MAPRE3: variants seen among roughly 807,000 people sequenced by gnomAD.
MAPRE3 encodes the protein microtubule associated protein RP/EB family member 3, also known as microtubule-associated protein RP/EB family member 3.
Under a neutral mutation model 30.5 loss-of-function variants are expected in MAPRE3, and 2 were observed. The observed-to-expected ratio is 0.07, with a 90% CI of 0.03 to 0.21. The LOEUF is 0.21. Ranked by LOEUF, MAPRE3 falls within the 10% of genes least tolerant of loss-of-function variation. MAPRE3 has a pLI of 1.00. For missense variants in MAPRE3, 204 were observed against 351.8 expected, an observed-to-expected ratio of 0.58 and a Z score of 3.36; for synonymous variants, 110 against 127.7, an observed-to-expected ratio of 0.86 and a Z score of 0.93.
intron 1 of MAPRE3, among the ~76,000 whole-genome samples, chr2:26,989,839 C>T (rs972905858): frequency 2.0e-5 from 3 of 152,124 alleles, no homozygotes; most frequent in Admixed American, 6.5e-5. Context: ...GGTCACTGAC[C>T]TGTTGAATCA....
chr2:26,984,269 T>C (rs773217009), intron 1 of MAPRE3, among the ~76,000 whole-genome samples: 72 of 152,368 alleles, frequency 4.7e-4, no homozygotes, highest in Non-Finnish European at 8.4e-4. Flanking sequence ...TAGAATTAAA[T>C]ATTTATGAAT....
chr2:26,994,336 A>G (rs1404814344), intron 1 of MAPRE3, among the ~76,000 whole-genome samples: 20 of 152,240 alleles, frequency 1.3e-4, no homozygotes. Context: ...CTTGATTTAT[A>G]AGCATGAAAT....
intron 1 of MAPRE3, among the ~76,000 whole-genome samples, chr2:27,016,247 T>G (rs1392832721): frequency 6.6e-6 from 1 of 151,974 alleles, no homozygotes; most frequent in Non-Finnish European, 1.5e-5. Context: ...GTGGATGGGG[T>G]TGGAAGACAC....
rs765260843 is a variant in MAPRE3, at chr2:27,023,447, A to G, written c.237A>G (p.Gln79=). ...HEYIHNFKVL[Q]AAFKKMGVDK... ...ACATCCACAACTTCAAGGTGCTGCAAGCAGCTTTCAAGAAGATGGGTGTTG... is the reference window on the plus strand; with the variant it reads ...ACATCCACAACTTCAAGGTGCTGCAGGCAGCTTTCAAGAAGATGGGTGTTG... The change falls in exon 3 of 7, where the codon CAA becomes CAG. Residue 79 remains glutamine (Q), a synonymous_variant. Coordinates refer to ENST00000233121, the MANE Select transcript of MAPRE3 (RefSeq NM_012326.4). 34 of 1,614,132 alleles carry G rather than the reference A, an allele frequency of 2.1e-5. No individual in the cohort carries two copies. Among genetic ancestry groups the G allele is most frequent in the Admixed American group, 1.5e-4 (9 of 60,024 alleles).
At chr2:26,993,492 G>C (rs1666393640) in intron 1 of MAPRE3, among the ~76,000 whole-genome samples, 1 of 152,166 alleles carries the variant, frequency 6.6e-6, no homozygotes, top group Non-Finnish European at 1.5e-5. Flanking sequence ...CAAAATTACA[G>C]AGTCCCCCAC....
chr2:26,982,040 C>G (rs773529918), intron 1 of MAPRE3, among the ~76,000 whole-genome samples: 9 of 152,152 alleles, frequency 5.9e-5, no homozygotes, highest in Non-Finnish European at 1.3e-4. Context: ...TGTGAGGGTT[C>G]CAGCCCTCAT....
At chr2:27,025,379 G>A (rs1000871371) in intron 4 of MAPRE3, among the ~76,000 whole-genome samples, 2 of 152,150 alleles carry the variant, frequency 1.3e-5, no homozygotes, top group Admixed American at 6.5e-5. Context: ...TCCCGGGCTC[G>A]CCAAAGGGCT....
chr2:26,993,160 G>A (rs900178224), intron 1 of MAPRE3, among the ~76,000 whole-genome samples: 2 of 152,144 alleles, frequency 1.3e-5, no homozygotes, highest in Non-Finnish European at 2.9e-5. Flanking sequence ...CCTGAGGTCA[G>A]GAGTTTGAGA....
intron 1 of MAPRE3, among the ~76,000 whole-genome samples, chr2:26,973,550 T>G (rs79366453): frequency 4.1e-4 from 62 of 150,476 alleles, no homozygotes; most frequent in African/African-American, 1.1e-3. Flanking sequence ...AATATAGTTT[T>G]TTTTTTTTTT....
chr2:27,023,513 G>C, intron 3 of MAPRE3, 36 bp downstream of exon 3: 2 of 1,611,970 alleles, frequency 1.2e-6, no homozygotes, highest in Non-Finnish European at 1.7e-6. Context: ...CTGAGGAGCA[G>C]TGTGACCCTG....
At chr2:26,995,780 G>GGTGTGTGTGTGTGTATGT (rs1666440544) in intron 1 of MAPRE3, among the ~76,000 whole-genome samples, 1 of 109,638 alleles carries the variant, frequency 9.1e-6, no homozygotes, top group Non-Finnish European at 1.8e-5. Flanking sequence ...TTCTAAGAGA[G>GGTGTGTGTGTGTGTATGT]GTGTGTGTGT....
chr2:26,982,566 G>T (rs1666137590), intron 1 of MAPRE3, among the ~76,000 whole-genome samples: 1 of 152,220 alleles, frequency 6.6e-6, no homozygotes, highest in African/African-American at 2.4e-5. Flanking sequence ...TGGGGCAGGA[G>T]CAAAAGTGCA....
At chr2:26,971,501 C>T (rs1013669358) in intron 1 of MAPRE3, among the ~76,000 whole-genome samples, 1 of 152,026 alleles carries the variant, frequency 6.6e-6, no homozygotes, top group Non-Finnish European at 1.5e-5. Flanking sequence ...GCCGGTGTTG[C>T]GGAGCGGGGA....
intron 1 of MAPRE3, among the ~76,000 whole-genome samples, chr2:26,995,024 A>G (rs2148208292): frequency 6.6e-6 from 1 of 152,124 alleles, no homozygotes; most frequent in East Asian, 1.9e-4. Flanking sequence ...GTTGTTGCTC[A>G]AGACGGAATC....
At chr2:26,984,506 A>C (rs939293239) in intron 1 of MAPRE3, among the ~76,000 whole-genome samples, 2 of 152,244 alleles carry the variant, frequency 1.3e-5, no homozygotes, top group African/African-American at 4.8e-5. Context: ...TAATTCTACC[A>C]CTCAGACAGC....
At chr2:26,997,628 A>C (rs1666493549) in intron 1 of MAPRE3, among the ~76,000 whole-genome samples, 1 of 152,160 alleles carries the variant, frequency 6.6e-6, no homozygotes, top group South Asian at 2.1e-4. Context: ...CCTGGTTCCT[A>C]ACATTCCACG....
chr2:27,011,773 G>A (rs1174279005), intron 1 of MAPRE3: 2 of 149,446 alleles, frequency 1.3e-5, no homozygotes, highest in Non-Finnish European at 3.0e-5. Context: ...TTGAACCAGG[G>A]AGGTATAGGT....
chr2:26,998,145 C>G (rs1362770119), intron 1 of MAPRE3, among the ~76,000 whole-genome samples: 1 of 152,230 alleles, frequency 6.6e-6, no homozygotes, highest in Admixed American at 6.5e-5. Context: ...CACAGTTTTA[C>G]AAACGCTGTG....
chr2:26,993,409 C>T (rs1047471995), intron 1 of MAPRE3, among the ~76,000 whole-genome samples: 1 of 152,104 alleles, frequency 6.6e-6, no homozygotes. Context: ...TAAAATAAAA[C>T]CAGAAACTGG....
Sources: gnomAD v4.1 joint callset for allele counts (sites outside exome capture counted in the v4.1 genomes callset) on GRCh38, gnomAD v4.1.1 for gene constraint, MANE v1.5 for transcripts, NCBI Gene and HGNC (gene_info 2026-07-23, HGNC 2026-07-21) for gene names.